Variants in SLC22A9 observed in about 807,000 individuals in gnomAD.
The protein encoded by SLC22A9 is organic anion transporter 7.
A neutral mutation model predicts 50.1 loss-of-function variants in SLC22A9; 64 were observed. The observed-to-expected ratio is 1.28, with a 90% CI of 1.04 to 1.57. The LOEUF (loss-of-function observed/expected upper bound fraction) is 1.57, where lower values mean the gene tolerates loss of function less well. SLC22A9 is among the 40% of genes most tolerant of loss of function. The probability of loss-of-function intolerance (pLI) is 0.00; values close to 1 mark genes in which losing one functional copy is unlikely to be tolerated. For missense variants in SLC22A9, 757 were observed against 676.1 expected (o/e 1.12, Z -1.33); for synonymous variants, 261 against 242.5 (o/e 1.08, Z -0.71).
At chr11:63,372,947 T>C (rs2014389393) in intron 2 of SLC22A9, among the ~76,000 whole-genome samples, 1 of 152,164 alleles carries the variant, frequency 6.6e-6, no homozygotes, top group Non-Finnish European at 1.5e-5. Context: ...ACTAATGTTC[T>C]ACTTTTTCCT....
At chr11:63,376,188 T>C (rs971919317) in intron 5 of SLC22A9, among the ~76,000 whole-genome samples, 7 of 152,150 alleles carry the variant, frequency 4.6e-5, no homozygotes, top group African/African-American at 1.4e-4. Context: ...ATTTGTTCAT[T>C]CAATCATACA....
intron 6 of SLC22A9, among the ~76,000 whole-genome samples, chr11:63,394,462 C>CA (rs2014817094): frequency 2.0e-5 from 3 of 152,010 alleles, no homozygotes. Context: ...CTGAAAAAGA[C>CA]AATCTTTCCT....
intron 6 of SLC22A9, among the ~76,000 whole-genome samples, chr11:63,402,350 C>T (rs1201175650): frequency 6.6e-6 from 1 of 152,118 alleles, no homozygotes; most frequent in Non-Finnish European, 1.5e-5. Flanking sequence ...TATCCAAGCA[C>T]TATCTATTGA....
At chr11:63,378,941 C>A (rs1473460459) in intron 5 of SLC22A9, among the ~76,000 whole-genome samples, 1 of 152,086 alleles carries the variant, frequency 6.6e-6, no homozygotes, top group Non-Finnish European at 1.5e-5. Flanking sequence ...TGGCCATACA[C>A]CCAAAGCAAT....
At chr11:63,409,747 G>A in intron 9 of SLC22A9, 55 bp from the exon 10 acceptor site, 2 of 1,543,286 alleles carry the variant, frequency 1.3e-6, no homozygotes, top group South Asian at 1.1e-5. Flanking sequence ...TACATGTTTA[G>A]TCCATGTCTT....
In SLC22A9 at chr11:63,386,014, T is replaced by A. The variant is rs572547289; in HGVS notation, c.1073+3737T>A. Among the ~76,000 whole-genome samples, 3 of 152,298 alleles carry A rather than the reference T, an allele frequency of 2.0e-5. No homozygotes were observed. In the South Asian group the frequency reaches 6.2e-4, roughly 32 times the overall value. ...AGTTTTAACATGAAGGATGTTGAATTTTATTGAAGGCCTTTTCTGTGTCTA... is the reference window on the plus strand; with the variant it reads ...AGTTTTAACATGAAGGATGTTGAATATTATTGAAGGCCTTTTCTGTGTCTA... On this transcript the variant is annotated intron_variant, in intron 6 of 9. Coordinates refer to ENST00000279178, the MANE Select transcript of SLC22A9 (RefSeq NM_080866.3).
intron 6 of SLC22A9, among the ~76,000 whole-genome samples, chr11:63,385,400 C>T (rs61927999): frequency 0.04 from 6,064 of 152,090 alleles, 205 homozygotes; most frequent in African/African-American, 0.082. Context: ...GCCATTTTCA[C>T]GATATTGATT....
intron 6 of SLC22A9, among the ~76,000 whole-genome samples, chr11:63,394,631 G>A (rs940260807): frequency 6.6e-6 from 1 of 152,066 alleles, no homozygotes; most frequent in Non-Finnish European, 1.5e-5. Flanking sequence ...AGGTTACCTG[G>A]TGCTTTTGTC....
chr11:63,401,977 CTTTA>C (rs1366000164), intron 6 of SLC22A9, among the ~76,000 whole-genome samples: 5 of 151,820 alleles, frequency 3.3e-5, no homozygotes, highest in Non-Finnish European at 5.9e-5. Context: ...TTTATTGTTG[CTTTA>C]TTTGAGTCCC....
chr11:63,370,673 T>G (rs921349047), intron 1 of SLC22A9, among the ~76,000 whole-genome samples: 4 of 152,174 alleles, frequency 2.6e-5, no homozygotes, highest in Admixed American at 6.6e-5. Flanking sequence ...ATGCTTTAAG[T>G]CACAGGGAGA....
In SLC22A9 at chr11:63,371,122, C is replaced by CCTT; in HGVS notation, c.403-10_403-8dup. ...GTAATAAGCATTGATGTGCTGGCTT[C>CCTT]CTTCTCTTCCAGTGGGATCTGGTAT... On this transcript the variant is annotated splice_polypyrimidine_tract_variant and intron_variant, in intron 1 of 9. Coordinates refer to ENST00000279178, the MANE Select transcript of SLC22A9 (RefSeq NM_080866.3). 6.3e-7 allele frequency: 1 copy of CCTT among 1,597,930 alleles called. No individual in the cohort carries two copies. Among genetic ancestry groups the CCTT allele is most frequent in the South Asian group, 1.1e-5 (1 of 90,552 alleles).
At chr11:63,404,310 G>A (rs1287284077) in intron 6 of SLC22A9, among the ~76,000 whole-genome samples, 1 of 152,096 alleles carries the variant, frequency 6.6e-6, no homozygotes, top group African/African-American at 2.4e-5. Flanking sequence ...TTCAGGGACA[G>A]CGGACAGAGG....
Position 63,389,271 on chromosome 11 carries a change from C to T in SLC22A9, c.1073+6994C>T, listed in dbSNP as rs185032613. Among the ~76,000 whole-genome samples, 14 of 151,856 alleles carry T rather than the reference C, an allele frequency of 9.2e-5. No individual in the cohort carries two copies. The East Asian group carries it at 2.5e-3, about 27-fold the overall frequency. ...CAGTGGTTTGCTGCACCTATCAACC[C>T]GTCATCTAGGTTTTAAGCCCCACAT... On this transcript the variant is annotated intron_variant, in intron 6 of 9. Transcript: ENST00000279178.
intron 6 of SLC22A9, among the ~76,000 whole-genome samples, chr11:63,399,148 A>G (rs1205970593): frequency 6.6e-5 from 10 of 152,212 alleles, no homozygotes; most frequent in Admixed American, 5.9e-4. Context: ...TATATAGAGG[A>G]CTTACAAAGT....
chr11:63,373,165 T>C (rs2014395393), intron 2 of SLC22A9, among the ~76,000 whole-genome samples: 1 of 151,212 alleles, frequency 6.6e-6, no homozygotes, highest in African/African-American at 2.4e-5. Context: ...CTGCAACACT[T>C]CAACAACTTT....
At chr11:63,388,528 T>C (rs2014707929) in intron 6 of SLC22A9, among the ~76,000 whole-genome samples, 1 of 152,128 alleles carries the variant, frequency 6.6e-6, no homozygotes, top group Admixed American at 6.5e-5. Flanking sequence ...AAATTCCCCT[T>C]AGTAATAATT....
At chr11:63,375,888 G>A in intron 5 of SLC22A9, 120 bp downstream of exon 5, 2 of 1,247,822 alleles carry the variant, frequency 1.6e-6, no homozygotes, top group Non-Finnish European at 2.2e-6. Flanking sequence ...GTTATGGGCT[G>A]TATCACCTCA....
At chr11:63,372,331 TC>T (rs2119860704) in intron 2 of SLC22A9, among the ~76,000 whole-genome samples, 1 of 144,578 alleles carries the variant, frequency 6.9e-6, no homozygotes, top group Admixed American at 6.9e-5. Context: ...TCGGAAATAA[TC>T]TATAATTTCA....
chr11:63,382,960 A>C (rs1269905640), intron 6 of SLC22A9, among the ~76,000 whole-genome samples: 1 of 152,208 alleles, frequency 6.6e-6, no homozygotes, highest in African/African-American at 2.4e-5. Flanking sequence ...ACCCTGGCCT[A>C]TGACCGCTCC....
Sources: gnomAD v4.1 joint callset for allele counts (sites outside exome capture counted in the v4.1 genomes callset) on GRCh38, gnomAD v4.1.1 for gene constraint, MANE v1.5 for transcripts, NCBI Gene and HGNC (gene_info 2026-07-23, HGNC 2026-07-21) for gene names.